The following LEF1 variants were observed in gnomAD, a reference collection of about 807,000 sequenced individuals.
The protein encoded by LEF1 is lymphoid enhancer binding factor 1, also known as lymphoid enhancer-binding factor 1.
A neutral mutation model predicts 51.2 loss-of-function variants in LEF1; 14 were observed. The observed-to-expected ratio is 0.27, with a 90% CI of 0.18 to 0.43. The LOEUF is 0.43. Among genes scored for constraint, LEF1 ranks in the 20% least tolerant of loss-of-function variants. The pLI is 1.00. For synonymous variants in LEF1, 185 were observed against 183.2 expected, an observed-to-expected ratio of 1.01 and a Z score of -0.08; for missense variants, 386 against 512.0, an observed-to-expected ratio of 0.75 and a Z score of 2.37.
chr4:108,083,866 T>A (rs1036541234), intron 4 of LEF1, among the ~76,000 whole-genome samples: 11 of 152,204 alleles, frequency 7.2e-5, no homozygotes, highest in African/African-American at 2.7e-4. Context: ...TAAATTGCCA[T>A]TTTCATATTT....
At chr4:108,151,446 G>A (rs993793066) in intron 3 of LEF1, among the ~76,000 whole-genome samples, 1 of 152,124 alleles carries the variant, frequency 6.6e-6, no homozygotes, top group Admixed American at 6.5e-5. Flanking sequence ...ATAAGAAACT[G>A]AAGTTGCAGA....
In LEF1 at chr4:108,168,157, T is replaced by C. The variant is rs1745538269; in HGVS notation, c.-390A>G. On this transcript the variant is annotated 5_prime_UTR_variant, in exon 1 of 12. Transcript: ENST00000265165. The surrounding 1 kb of genome is among the most constrained non-coding windows in gnomAD (Gnocchi z 4.6). ...GGGATTTGCGCGCGGAGAACGCCGG[T>C]TCTGGAGGGAGCACGCCTCCCCAAA... The C allele has an allele frequency of 6.6e-6, 1 of 152,270 alleles. No individual in the cohort carries two copies. The highest frequency in any genetic ancestry group is 6.5e-5 in the Admixed American group (1 of 15,284). 9.4% of individuals were successfully genotyped at this position (152,270 alleles called of 1,614,324 possible). A position where few individuals can be genotyped will look rare whatever the true frequency, so the allele number is the denominator to read the frequency against.
At chr4:108,050,721 C>T (rs759301661) in intron 11 of LEF1, among the ~76,000 whole-genome samples, 1 of 152,224 alleles carries the variant, frequency 6.6e-6, no homozygotes, top group Non-Finnish European at 1.5e-5. Flanking sequence ...CCTAGGCTAG[C>T]GCCTGAGACA....
At chr4:108,076,681 G>A (rs1339365981) in intron 8 of LEF1, among the ~76,000 whole-genome samples, 2 of 152,138 alleles carry the variant, frequency 1.3e-5, no homozygotes, top group Admixed American at 6.5e-5. Flanking sequence ...CCCAGTGGCT[G>A]CATCTACTTT....
chr4:108,146,223 A>G (rs962801780), intron 3 of LEF1, among the ~76,000 whole-genome samples: 2 of 152,248 alleles, frequency 1.3e-5, no homozygotes, highest in Admixed American at 1.3e-4. Flanking sequence ...TTTGCTCATG[A>G]AAAGGAGTAT....
chr4:108,063,822 T>G lies in LEF1; in HGVS notation c.1166-159A>C, dbSNP rs374987398. ...TGCAGTACAAGTAGTGGCCTTATTT[T>G]TAATGAAAGAAAAAAGGAAAATAAA... On this transcript the variant is annotated intron_variant, in intron 10 of 11. Coordinates refer to ENST00000265165, the MANE Select transcript of LEF1 (RefSeq NM_016269.5). Among the ~76,000 whole-genome samples the G allele has an allele frequency of 3.0e-4, 45 of 152,336 alleles. 1 individual carries two copies. In the East Asian group the frequency reaches 5.2e-3, roughly 18 times the overall value.
At chr4:108,079,996 T>C (rs1739180505) in intron 6 of LEF1, among the ~76,000 whole-genome samples, 1 of 152,210 alleles carries the variant, frequency 6.6e-6, no homozygotes, top group East Asian at 1.9e-4. Context: ...TCTCATATTA[T>C]TGGCTTCCTC....
chr4:108,101,867 C>CCTGA (rs1338463304), intron 3 of LEF1, among the ~76,000 whole-genome samples: 6 of 152,062 alleles, frequency 3.9e-5, no homozygotes, highest in Non-Finnish European at 8.8e-5. Flanking sequence ...TTGAGACCAG[C>CCTGA]CTGACCAACA....
intron 3 of LEF1, among the ~76,000 whole-genome samples, chr4:108,162,096 T>A (rs912702376): frequency 6.6e-6 from 1 of 152,188 alleles, no homozygotes; most frequent in Non-Finnish European, 1.5e-5. Context: ...TTTGCTTTTT[T>A]AAATTACTTT....
chr4:108,095,745 C>T (rs553974696), intron 3 of LEF1, among the ~76,000 whole-genome samples: 1 of 152,302 alleles, frequency 6.6e-6, no homozygotes, highest in East Asian at 1.9e-4. Context: ...ATCCTAAAGC[C>T]ATACCTAAGT....
chr4:108,119,915 A>G (rs1359969425), intron 3 of LEF1, among the ~76,000 whole-genome samples: 3 of 152,074 alleles, frequency 2.0e-5, no homozygotes, highest in Non-Finnish European at 4.4e-5. Flanking sequence ...TGCTTAAAAA[A>G]CAATCTGTTT....
chr4:108,059,179 A>G (rs1203947622), intron 11 of LEF1, among the ~76,000 whole-genome samples: 1 of 152,260 alleles, frequency 6.6e-6, no homozygotes, highest in Non-Finnish European at 1.5e-5. Flanking sequence ...AAGTAGAAAC[A>G]TACGGGGAGA....
At chr4:108,141,108 C>G (rs1486327940) in intron 3 of LEF1, among the ~76,000 whole-genome samples, 3 of 152,198 alleles carry the variant, frequency 2.0e-5, no homozygotes, top group Admixed American at 6.5e-5. Context: ...TACTCCAAAT[C>G]AGCAAGTGTA....
At chr4:108,141,690 T>C (rs994771838) in intron 3 of LEF1, among the ~76,000 whole-genome samples, 1 of 152,194 alleles carries the variant, frequency 6.6e-6, no homozygotes, top group Admixed American at 6.5e-5. Flanking sequence ...CCTGGGAATA[T>C]GGAAAGCCTT....
intron 11 of LEF1, among the ~76,000 whole-genome samples, chr4:108,049,086 C>A (rs558192670): frequency 5.9e-5 from 9 of 152,228 alleles, no homozygotes; most frequent in Admixed American, 2.6e-4. Context: ...ATAGGGAAGG[C>A]GGGCAACAGC....
chr4:108,075,529 A>ACAGATATGAAGAG (rs1738800157), intron 8 of LEF1: 1 of 152,230 alleles, frequency 6.6e-6, no homozygotes. Context: ...AGGCTACCAC[A>ACAGATATGAAGAG]CAGATATGAA....
Position 108,132,741 on chromosome 4 carries a change from C to G in LEF1, c.414+30827G>C, listed in dbSNP as rs558848033. On this transcript the variant is annotated intron_variant, in intron 3 of 11. Transcript: ENST00000265165. The stretch of plus-strand genomic sequence containing the variant: ...AGAGTGCAATGGCACAATCTCAGCT[C>G]ACTGCAACCTCCACTTCCCCAGGCT... 2.3e-5 allele frequency among the ~76,000 whole-genome samples: 3 copies of G among 131,272 alleles called. No homozygotes were observed. The South Asian group carries it at 8.0e-4, about 35-fold the overall frequency. The allele number at this position is 131,272 out of a possible 152,430, so 86.1% of individuals were successfully genotyped here. A position where few individuals can be genotyped will look rare whatever the true frequency, so the allele number is the denominator to read the frequency against.
intron 3 of LEF1, among the ~76,000 whole-genome samples, chr4:108,132,076 G>C (rs532416012): frequency 6.6e-6 from 1 of 152,288 alleles, no homozygotes; most frequent in Non-Finnish European, 1.5e-5. Context: ...CACAGGACTA[G>C]ACTGATGTGC....
rs112631363 is a variant in LEF1 at position 108,128,525 on chromosome 4, G to A, written c.414+35043C>T. On this transcript the variant is annotated intron_variant, in intron 3 of 11. Transcript: ENST00000265165. ...AGGAAGGGCTTTTTTTTTTTTCTACGATAAACTGATGACTGAAGTTATGAT... is the reference window on the plus strand; with the variant it reads ...AGGAAGGGCTTTTTTTTTTTTCTACAATAAACTGATGACTGAAGTTATGAT... Among the ~76,000 whole-genome samples the A allele has an allele frequency of 9.1e-3, 1,362 of 150,022 alleles. 24 individuals carry two copies. The highest frequency in any genetic ancestry group is 0.03 in the African/African-American group (1,227 of 40,896).
Sources: allele counts gnomAD v4.1 joint callset (sites outside exome capture counted in the v4.1 genomes callset), GRCh38; gene constraint gnomAD v4.1.1; non-coding constraint Gnocchi (gnomAD v3.1); transcripts MANE v1.5; gene names NCBI Gene and HGNC (gene_info 2026-07-23, HGNC 2026-07-21).